RUNX2: variants seen among roughly 807,000 people sequenced by gnomAD.
RUNX2 encodes the protein RUNX family transcription factor 2.
A neutral mutation model predicts 51.7 loss-of-function variants in RUNX2; 10 were observed. The ratio of observed to expected loss-of-function variants is 0.19; its 90% CI spans 0.12 to 0.33. The LOEUF is 0.33. Ranked by LOEUF, RUNX2 falls within the 10% of genes least tolerant of loss-of-function variation. RUNX2 has a pLI of 1.00. For missense variants in RUNX2, 562 were observed against 691.3 expected (o/e 0.81, Z 2.10); for synonymous variants, 276 against 273.6 (o/e 1.01, Z -0.09).
In RUNX2 at chr6:45,419,429, GA is replaced by G. The variant is rs200303988; in HGVS notation, c.59-3154del. ...CAAAGTAAAACTAGCCCCCTAAAAA[GA>G]AAAAAAAAAGGCAGGAAAAAAAAGC... On this transcript the variant is annotated intron_variant, in intron 2 of 8. Transcript: ENST00000647337. 2.1e-4 allele frequency among the ~76,000 whole-genome samples: 30 copies of G among 141,580 alleles called. No homozygotes were observed. The East Asian group carries it at 2.4e-3, about 12-fold the overall frequency. The allele number at this position is 141,580 out of a possible 152,430, so 92.9% of individuals were successfully genotyped here. A position where few individuals can be genotyped will look rare whatever the true frequency, so the allele number is the denominator to read the frequency against.
At chr6:45,479,388 G>C (rs183078148) in intron 5 of RUNX2, among the ~76,000 whole-genome samples, 1 of 152,144 alleles carries the variant, frequency 6.6e-6, no homozygotes, top group Non-Finnish European at 1.5e-5. Context: ...TGCAAAGAAA[G>C]GTATGCTTGT....
chr6:45,456,218 T>C (rs1196230800), intron 5 of RUNX2, among the ~76,000 whole-genome samples: 2 of 152,248 alleles, frequency 1.3e-5, no homozygotes, highest in East Asian at 1.9e-4. Context: ...AATGTATTTG[T>C]ATGTATGAAT....
At chr6:45,355,154 T>C (rs13191493) in intron 2 of RUNX2, among the ~76,000 whole-genome samples, 2,017 of 150,438 alleles carry the variant, frequency 0.013, 31 homozygotes, top group Middle Eastern at 0.038. Flanking sequence ...TTTTTTTTTT[T>C]AGAGATGGGG....
At chr6:45,381,792 G>A (rs1227695033) in intron 2 of RUNX2, among the ~76,000 whole-genome samples, 2 of 152,198 alleles carry the variant, frequency 1.3e-5, no homozygotes, top group Non-Finnish European at 2.9e-5. Context: ...CTGATGCACT[G>A]CAGGGGGTTG....
chr6:45,370,694 A>G (rs1795917710), intron 2 of RUNX2, among the ~76,000 whole-genome samples: 1 of 152,180 alleles, frequency 6.6e-6, no homozygotes, highest in African/African-American at 2.4e-5. Flanking sequence ...AACACCCTGT[A>G]AACATGAAAA....
intron 5 of RUNX2, 121 bp downstream of exon 5, chr6:45,438,172 T>G (rs1382921692): frequency 1.4e-6 from 1 of 701,844 alleles, no homozygotes; most frequent in African/African-American, 1.8e-5. Context: ...CTTTGCTATC[T>G]GCATATATTT....
chr6:45,345,033 A>T (rs1790564805), intron 2 of RUNX2, among the ~76,000 whole-genome samples: 1 of 152,196 alleles, frequency 6.6e-6, no homozygotes, highest in South Asian at 2.1e-4. Context: ...TGTAACAAAA[A>T]GGCTGTACAT....
At chr6:45,506,910 C>G (rs1046085686) in intron 6 of RUNX2, among the ~76,000 whole-genome samples, 1 of 152,046 alleles carries the variant, frequency 6.6e-6, no homozygotes, top group Admixed American at 6.5e-5. Flanking sequence ...CCCAACTTGG[C>G]CTTCCAAAGT....
intron 5 of RUNX2, among the ~76,000 whole-genome samples, chr6:45,468,754 A>G (rs1376026344): frequency 6.6e-6 from 1 of 152,082 alleles, no homozygotes; most frequent in Non-Finnish European, 1.5e-5. Flanking sequence ...ATGTGGAAAA[A>G]CTTTTCATTC....
At chr6:45,532,426 A>G (rs548372550) in intron 7 of RUNX2, among the ~76,000 whole-genome samples, 40 of 152,172 alleles carry the variant, frequency 2.6e-4, no homozygotes, top group Non-Finnish European at 4.6e-4. Context: ...AGGGAGGGAA[A>G]GGGACTCCAC....
At chr6:45,535,293 C>T (rs1801996332) in intron 7 of RUNX2, among the ~76,000 whole-genome samples, 1 of 151,974 alleles carries the variant, frequency 6.6e-6, no homozygotes, top group Admixed American at 6.5e-5. Context: ...TTGTTGCTTC[C>T]CCAGCACACT....
At chr6:45,485,867 C>T (rs1800268984) in intron 5 of RUNX2, among the ~76,000 whole-genome samples, 1 of 151,586 alleles carries the variant, frequency 6.6e-6, no homozygotes, top group South Asian at 2.1e-4. Flanking sequence ...AGTGAGGTTT[C>T]CTCTTTCCCC....
chr6:45,390,370 G>A (rs6908650), intron 2 of RUNX2, among the ~76,000 whole-genome samples: 63,481 of 152,056 alleles, frequency 0.42, 13,498 homozygotes, highest in South Asian at 0.46. Context: ...CGTCTTCCTT[G>A]GCAGTACCCC....
At chr6:45,390,431 A>T (rs764167453) in intron 2 of RUNX2, among the ~76,000 whole-genome samples, 2 of 152,196 alleles carry the variant, frequency 1.3e-5, no homozygotes, top group Non-Finnish European at 2.9e-5. Context: ...CAGATAAATT[A>T]TCATGTGCTT....
chr6:45,400,760 G>C (rs1326612059), intron 2 of RUNX2, among the ~76,000 whole-genome samples: 31 of 152,300 alleles, frequency 2.0e-4, no homozygotes, highest in Non-Finnish European at 2.9e-5. Flanking sequence ...GACTCTCTGT[G>C]TGGTGAGCTT....
chr6:45,433,684 A>G lies in RUNX2; in HGVS notation c.580+1665A>G, dbSNP rs547517789. Among the ~76,000 whole-genome samples, 318 of 152,296 alleles carry G rather than the reference A, an allele frequency of 2.1e-3. 1 individual carries two copies. Among genetic ancestry groups the G allele is most frequent in the African/African-American group, 6.9e-3 (286 of 41,560 alleles). On this transcript the variant is annotated intron_variant, in intron 4 of 8. Coordinates refer to ENST00000647337, the MANE Select transcript of RUNX2 (RefSeq NM_001024630.4). ...ATAGTGTACTTTGTAAACCCTCAAC[A>G]TATTTATTTAAGAAACTTCAAAGAG...
chr6:45,499,970 C>T (rs1376859501), intron 6 of RUNX2, among the ~76,000 whole-genome samples: 2 of 152,106 alleles, frequency 1.3e-5, no homozygotes, highest in African/African-American at 2.4e-5. Context: ...GCATACCTGT[C>T]CCCTTTATTA....
chr6:45,489,012 A>G lies in RUNX2; in HGVS notation c.686-2929A>G, dbSNP rs181124883. ...TGTTACCCTGATGTGGTTTAGTGGT[A>G]ACAGGTATTTGTCATAGTTGAAATG... is the stretch of plus-strand genomic sequence containing the variant. On this transcript the variant is annotated intron_variant, in intron 5 of 8. Coordinates refer to ENST00000647337, the MANE Select transcript of RUNX2 (RefSeq NM_001024630.4). Among the ~76,000 whole-genome samples, 129 of 152,308 alleles carry G rather than the reference A, an allele frequency of 8.5e-4. 1 individual carries two copies. Among genetic ancestry groups the G allele is most frequent in the Admixed American group, 8.3e-3 (127 of 15,304 alleles).
intron 2 of RUNX2, among the ~76,000 whole-genome samples, chr6:45,344,374 G>A (rs1308637788): frequency 2.0e-5 from 3 of 151,618 alleles, no homozygotes; most frequent in Non-Finnish European, 4.4e-5. Context: ...CTTGCCCTTA[G>A]CTATAAACAA....
Sources: allele counts gnomAD v4.1 joint callset (sites outside exome capture counted in the v4.1 genomes callset), GRCh38; gene constraint gnomAD v4.1.1; transcripts MANE v1.5; gene names NCBI Gene and HGNC (gene_info 2026-07-23, HGNC 2026-07-21).